The following RTN4IP1 variants were observed in gnomAD, a reference collection of about 807,000 sequenced individuals.
RTN4IP1 encodes the protein NAD(P)H oxidoreductase RTN4IP1, mitochondrial.
In RTN4IP1, 32 loss-of-function variants were observed where a neutral mutation model predicts 46.6. The ratio of observed to expected loss-of-function variants is 0.69; its 90% CI spans 0.52 to 0.92. RTN4IP1 has a LOEUF of 0.92. Ranked by LOEUF, RTN4IP1 falls within the 40% of genes least tolerant of loss-of-function variation. The pLI is 0.00. For synonymous variants in RTN4IP1, 167 were observed against 161.8 expected, an observed-to-expected ratio of 1.03 and a Z score of -0.24; for missense variants, 424 against 485.8, an observed-to-expected ratio of 0.87 and a Z score of 1.20.
At chr6:106,630,021 G>A (rs1006310293), upstream of RTN4IP1, among the ~76,000 whole-genome samples, 2 of 152,226 alleles carry the variant, frequency 1.3e-5, no homozygotes, top group Admixed American at 1.3e-4. Context: ...GGGCTTGCGG[G>A]GCCACTTCAG....
intron 6 of RTN4IP1, among the ~76,000 whole-genome samples, chr6:106,589,758 G>T (rs1211044760): frequency 1.3e-5 from 2 of 152,196 alleles, no homozygotes; most frequent in Non-Finnish European, 2.9e-5. Context: ...ATCCTAGGTA[G>T]ACTGAGAGGT....
intron 3 of RTN4IP1, among the ~76,000 whole-genome samples, chr6:106,619,542 A>C (rs1776431308): frequency 6.6e-6 from 1 of 150,718 alleles, no homozygotes; most frequent in Admixed American, 6.7e-5. Context: ...TAGTAACTTG[A>C]ACACAACAAG....
rs990510196 is a variant in RTN4IP1 at position 106,571,739 on chromosome 6, G to A, written c.*257C>T. On this transcript the variant is annotated 3_prime_UTR_variant, in exon 9 of 9. Coordinates refer to ENST00000369063, the MANE Select transcript of RTN4IP1 (RefSeq NM_032730.5). ...AGTTTAAGCTAGTAAAACAGAAGGT[G>A]CCACAACAACCTGCAAAGCCAGTGT... 8 of 408,838 alleles carry A rather than the reference G, an allele frequency of 2.0e-5. No homozygotes were observed. Among genetic ancestry groups the A allele is most frequent in the Admixed American group, 8.2e-5 (2 of 24,448 alleles). The allele number at this position is 408,838 out of a possible 1,614,324, so 25.3% of individuals were successfully genotyped here. A position where few individuals can be genotyped will look rare whatever the true frequency, so the allele number is the denominator to read the frequency against.
intron 4 of RTN4IP1, among the ~76,000 whole-genome samples, chr6:106,603,274 C>T (rs529088470): frequency 1.3e-5 from 2 of 152,238 alleles, no homozygotes; most frequent in East Asian, 3.9e-4. Flanking sequence ...AGATTTGGGG[C>T]CCTTTTTAAT....
chr6:106,592,018 C>G, intron 6 of RTN4IP1, 146 bp downstream of exon 6: 1 of 793,738 alleles, frequency 1.3e-6, no homozygotes, highest in East Asian at 2.7e-5. Flanking sequence ...CAGAAGCCAA[C>G]CTAAGTAACT....
At chr6:106,576,582 C>T (rs971606286) in intron 8 of RTN4IP1, among the ~76,000 whole-genome samples, 1 of 152,194 alleles carries the variant, frequency 6.6e-6, no homozygotes, top group Non-Finnish European at 1.5e-5. Context: ...GAATGTACTT[C>T]GTTGCTAAAC....
upstream of RTN4IP1, chr6:106,629,844 T>C: frequency 9.6e-7 from 1 of 1,041,704 alleles, no homozygotes; most frequent in Non-Finnish European, 1.4e-6. Context: ...GATAAGTACC[T>C]TTCGATTCTT....
intron 8 of RTN4IP1, among the ~76,000 whole-genome samples, chr6:106,576,609 A>G (rs771821686): frequency 9.2e-5 from 14 of 152,200 alleles, no homozygotes; most frequent in Non-Finnish European, 1.9e-4. Flanking sequence ...CCAGCTATTC[A>G]AGACGGACCT....
chr6:106,591,450 AT>A (rs1775661062), intron 6 of RTN4IP1, among the ~76,000 whole-genome samples: 2 of 152,168 alleles, frequency 1.3e-5, no homozygotes, highest in Admixed American at 1.3e-4. Flanking sequence ...CTCTTTAAAA[AT>A]ATACTTCTAC....
At chr6:106,606,875 G>C (rs1444294082) in intron 4 of RTN4IP1, among the ~76,000 whole-genome samples, 1 of 151,914 alleles carries the variant, frequency 6.6e-6, no homozygotes, top group Non-Finnish European at 1.5e-5. Flanking sequence ...AAATATCAAT[G>C]ACATTCTTCA....
intron 8 of RTN4IP1, among the ~76,000 whole-genome samples, chr6:106,573,357 G>C (rs1269328128): frequency 6.6e-6 from 1 of 152,190 alleles, no homozygotes; most frequent in Non-Finnish European, 1.5e-5. Context: ...AGAGGAAGAA[G>C]TGTTTTCGTG....
chr6:106,599,946 T>C (rs1775901627), intron 5 of RTN4IP1, among the ~76,000 whole-genome samples: 1 of 152,228 alleles, frequency 6.6e-6, no homozygotes, highest in African/African-American at 2.4e-5. Context: ...TGTATGATAT[T>C]TCTCTTTTCT....
At chr6:106,579,995 A>G (rs1354196415) in intron 8 of RTN4IP1, among the ~76,000 whole-genome samples, 1 of 151,832 alleles carries the variant, frequency 6.6e-6, no homozygotes, top group African/African-American at 2.4e-5. Flanking sequence ...TGGGTGGATC[A>G]TGAGGTCAGG....
At chr6:106,629,527 T>C, upstream of RTN4IP1, 2 of 992,950 alleles carry the variant, frequency 2.0e-6, no homozygotes, top group South Asian at 3.3e-5. Flanking sequence ...ACAAAGATCA[T>C]TTCCTCGGGC....
At chr6:106,585,225 A>C (rs552198209) in intron 7 of RTN4IP1, among the ~76,000 whole-genome samples, 125 of 152,288 alleles carry the variant, frequency 8.2e-4, no homozygotes, top group African/African-American at 2.9e-3. Flanking sequence ...TATAATCCCA[A>C]CACTTTGGGA....
At chr6:106,629,699 C>A, upstream of RTN4IP1, 1 of 1,606,452 alleles carries the variant, frequency 6.2e-7, no homozygotes, top group Non-Finnish European at 8.5e-7. Flanking sequence ...GCCGGAGCCT[C>A]CGAGAAGTGA....
chr6:106,591,753 ACT>A (rs976529977), intron 6 of RTN4IP1, among the ~76,000 whole-genome samples: 6 of 152,010 alleles, frequency 3.9e-5, no homozygotes, highest in Non-Finnish European at 7.4e-5. Flanking sequence ...TTAGACTTAC[ACT>A]GTTTCTCTTA....
chr6:106,609,046 A>G (rs1776157197), intron 4 of RTN4IP1, among the ~76,000 whole-genome samples: 1 of 152,162 alleles, frequency 6.6e-6, no homozygotes, highest in South Asian at 2.1e-4. Flanking sequence ...CTAGAATGCT[A>G]TAATTACCTG....
intron 4 of RTN4IP1, among the ~76,000 whole-genome samples, chr6:106,618,032 A>G (rs1186104063): frequency 1.3e-5 from 2 of 152,236 alleles, no homozygotes; most frequent in African/African-American, 4.8e-5. Context: ...CAAGAAAGAT[A>G]AGCCACAATA....
Sources: allele counts gnomAD v4.1 joint callset (sites outside exome capture counted in the v4.1 genomes callset), GRCh38; gene constraint gnomAD v4.1.1; transcripts MANE v1.5; gene names NCBI Gene and HGNC (gene_info 2026-07-23, HGNC 2026-07-21).